The following UFL1 variants were observed in gnomAD, a reference collection of about 807,000 sequenced individuals.
UFL1 encodes the protein UFM1 specific ligase 1, also known as E3 UFM1-protein ligase 1.
UFL1 carries 78 observed loss-of-function variants against 99.3 expected under a neutral mutation model. The ratio of observed to expected loss-of-function variants is 0.79; its 90% CI spans 0.65 to 0.95. The LOEUF (loss-of-function observed/expected upper bound fraction) is 0.95. Among genes scored for constraint, UFL1 ranks in the 40% least tolerant of loss-of-function variants. UFL1 has a pLI of 0.00. For missense variants in UFL1, 936 were observed against 937.0 expected, an observed-to-expected ratio of 1.00 and a Z score of 0.01; for synonymous variants, 335 against 322.2, an observed-to-expected ratio of 1.04 and a Z score of -0.42.
chr6:96,528,146 C>G (rs536200829), intron 5 of UFL1, among the ~76,000 whole-genome samples: 3 of 152,188 alleles, frequency 2.0e-5, no homozygotes, highest in Non-Finnish European at 4.4e-5. Context: ...TGTCTTGGCT[C>G]TCTATATATT....
chr6:96,537,302 T>G, intron 8 of UFL1, 72 bp from the exon 9 acceptor site: 1 of 1,370,074 alleles, frequency 7.3e-7, no homozygotes, highest in Middle Eastern at 2.0e-4. Context: ...CTATAACTTT[T>G]AAGTCTTTAT....
At chr6:96,547,279 C>T (rs1582445316) in intron 12 of UFL1, among the ~76,000 whole-genome samples, 1 of 151,558 alleles carries the variant, frequency 6.6e-6, no homozygotes, top group African/African-American at 2.4e-5. Context: ...TATCATCATA[C>T]ACCAGTCAGA....
chr6:96,532,977 T>C (rs1769802732), intron 6 of UFL1, among the ~76,000 whole-genome samples: 1 of 152,176 alleles, frequency 6.6e-6, no homozygotes, highest in Admixed American at 6.5e-5. Flanking sequence ...GTCAATTTAT[T>C]TTCATACAAC....
chr6:96,522,485 C>A (rs1250970087), intron 1 of UFL1, among the ~76,000 whole-genome samples: 4 of 152,210 alleles, frequency 2.6e-5, no homozygotes, highest in African/African-American at 9.7e-5. Context: ...AGCCCACTAA[C>A]CTTTGGAGGA....
chr6:96,524,434 T>G, intron 3 of UFL1, 24 bp downstream of exon 3: 5 of 1,555,768 alleles, frequency 3.2e-6, no homozygotes, highest in Non-Finnish European at 4.3e-6. Flanking sequence ...TTATAAAATT[T>G]TTGCTTTACT....
chr6:96,537,009 A>G (rs1354789762), intron 8 of UFL1, among the ~76,000 whole-genome samples: 2 of 151,570 alleles, frequency 1.3e-5, no homozygotes, highest in Non-Finnish European at 3.0e-5. Flanking sequence ...ACACATATAT[A>G]TAGCTTACTT....
intron 5 of UFL1, among the ~76,000 whole-genome samples, chr6:96,527,965 G>GA (rs1015407137): frequency 2.6e-5 from 4 of 152,176 alleles, no homozygotes; most frequent in African/African-American, 4.8e-5. Context: ...TTGAAAGAAG[G>GA]TTACCAAGAA....
At chr6:96,545,327 A>G (rs559376181) in intron 12 of UFL1, among the ~76,000 whole-genome samples, 4 of 151,190 alleles carry the variant, frequency 2.6e-5, no homozygotes, top group African/African-American at 7.2e-5. Context: ...TTTGTCTACA[A>G]CCCATGCTTT....
chr6:96,523,436 A>T, intron 2 of UFL1, 145 bp downstream of exon 2: 1 of 894,730 alleles, frequency 1.1e-6, no homozygotes. Flanking sequence ...ATCAGGCTTA[A>T]TATTTTTACT....
chr6:96,524,452 T>C (rs757068667), intron 3 of UFL1, 42 bp downstream of exon 3: 3 of 1,463,840 alleles, frequency 2.0e-6, no homozygotes, highest in Non-Finnish European at 2.8e-6. Flanking sequence ...ACTTTCTCAA[T>C]TTTTTGATAC....
At chr6:96,534,240 T>G in intron 6 of UFL1, 23 bp from the exon 7 acceptor site, 1 of 1,501,088 alleles carries the variant, frequency 6.7e-7, no homozygotes, top group Non-Finnish European at 8.9e-7. Context: ...AAGAAGTTTT[T>G]TTTTTTTTAA....
At chr6:96,526,269 G>GA (rs1170983983) in intron 4 of UFL1, 52 bp from the exon 5 acceptor site, 1 of 1,486,686 alleles carries the variant, frequency 6.7e-7, no homozygotes, top group Non-Finnish European at 9.2e-7. Flanking sequence ...TGAGGAAACA[G>GA]AAAAAACATT....
chr6:96,525,679 TAA>T (rs199586317), intron 4 of UFL1, among the ~76,000 whole-genome samples: 19 of 110,812 alleles, frequency 1.7e-4, no homozygotes, highest in Non-Finnish European at 2.1e-4. Context: ...TGTCTCAAAT[TAA>T]AAAAAAAAAA....
intron 4 of UFL1, 50 bp downstream of exon 4, chr6:96,525,444 T>C (rs780816748): frequency 2.9e-6 from 4 of 1,402,578 alleles, no homozygotes; most frequent in Non-Finnish European, 2.0e-6. Context: ...ATTTTCTTTC[T>C]TTTTTTTATA....
chr6:96,553,662 A>G lies in UFL1; in HGVS notation c.*159A>G. 2.0e-6 allele frequency: 1 copy of G among 488,602 alleles called. No individual in the cohort carries two copies. The highest frequency in any genetic ancestry group is 5.5e-4 in the Middle Eastern group (1 of 1,834). The allele number at this position is 488,602 out of a possible 1,614,324, so 30.3% of individuals were successfully genotyped here. On this transcript the variant is annotated 3_prime_UTR_variant, in exon 19 of 19. Transcript: ENST00000369278. ...AACAGTAGTATTGTATTAAATGTAAATCTTAAAAAGATGTGAATTTTTGTA... is the reference window on the plus strand; with the variant it reads ...AACAGTAGTATTGTATTAAATGTAAGTCTTAAAAAGATGTGAATTTTTGTA...
rs780947054 is a variant in UFL1, at chr6:96,548,204, G to A, written c.1443G>A (p.Glu481=). Residue 481 remains glutamate, a synonymous_variant, in exon 13 of 19, where the codon GAG becomes GAA. Coordinates refer to ENST00000369278, the MANE Select transcript of UFL1 (RefSeq NM_015323.5). ...KPEISFMFQD[E]IEDFLRKHIQ... is the part of the protein sequence containing the mutation. ...AGATCAGTTTTATGTTCCAGGATGA[G>A]ATTGAAGATTTTTTAAGAAAACACA... The A allele has an allele frequency of 1.2e-6, 2 of 1,606,988 alleles. No individual in the cohort carries two copies. The highest frequency in any genetic ancestry group is 1.3e-5 in the African/African-American group (1 of 74,560).
intron 12 of UFL1, among the ~76,000 whole-genome samples, chr6:96,547,906 C>T (rs1169034801): frequency 6.6e-6 from 1 of 151,446 alleles, no homozygotes; most frequent in African/African-American, 2.4e-5. Flanking sequence ...TAGCCCAGTC[C>T]CTGCCAGTAT....
chr6:96,531,977 A>G (rs983153175), intron 6 of UFL1, among the ~76,000 whole-genome samples: 1 of 152,202 alleles, frequency 6.6e-6, no homozygotes, highest in African/African-American at 2.4e-5. Context: ...TCTAACTTCA[A>G]AGGAGACACC....
intron 15 of UFL1, among the ~76,000 whole-genome samples, chr6:96,550,126 T>G (rs1770057195): frequency 6.6e-6 from 1 of 151,932 alleles, no homozygotes; most frequent in African/African-American, 2.4e-5. Flanking sequence ...GAAGTTATTT[T>G]CCTTTAAGGA....
Sources: gnomAD v4.1 joint callset for allele counts (sites outside exome capture counted in the v4.1 genomes callset) on GRCh38, gnomAD v4.1.1 for gene constraint, MANE v1.5 for transcripts, NCBI Gene and HGNC (gene_info 2026-07-23, HGNC 2026-07-21) for gene names.